TTC9B: variants seen among roughly 807,000 people sequenced by gnomAD.
The protein encoded by TTC9B is tetratricopeptide repeat domain 9B.
TTC9B carries 12 observed loss-of-function variants against 19.4 expected under a neutral mutation model. That is an observed-to-expected ratio of 0.62 (90% CI 0.40 to 1.00). TTC9B has a LOEUF of 1.00. TTC9B is among the 50% of genes least tolerant of loss of function. The probability of loss-of-function intolerance (pLI) is 0.00; values close to 1 mark genes in which losing one functional copy is unlikely to be tolerated. For missense variants in TTC9B, 316 were observed against 345.2 expected (o/e 0.92, Z 0.67); for synonymous variants, 156 against 158.6 (o/e 0.98, Z 0.12).
rs2145108756 is a variant in TTC9B, at chr19:40,217,979, C to T, written c.403G>A (p.Val135Met). Reference protein sequence around the residue: ...EQRRLVESTEVECYDSLTACL... With the variant: ...EQRRLVESTEMECYDSLTACL... Reference sequence around the variant, plus strand: ...CCCGTGAGGGAGTCGTAACACTCCACCTCCGTGCTCTCCACCAGGCGCCGC... The same window carrying T: ...CCCGTGAGGGAGTCGTAACACTCCATCTCCGTGCTCTCCACCAGGCGCCGC... Residue 135 changes from valine (V) to methionine (M), a missense_variant, in exon 1 of 3, where the codon GTG (valine) becomes ATG (methionine). Val to Met is a conservative substitution (Grantham distance 21). Transcript: ENST00000311308. 6.7e-7 allele frequency: 1 copy of T among 1,494,358 alleles called. No individual in the cohort carries two copies. Among genetic ancestry groups the T allele is most frequent in the Non-Finnish European group, 8.9e-7 (1 of 1,128,990 alleles). 92.6% of individuals were successfully genotyped at this position (1,494,358 alleles called of 1,614,324 possible). A position where few individuals can be genotyped will look rare whatever the true frequency, so the allele number is the denominator to read the frequency against.
Position 40,218,008 on chromosome 19 carries a change from T to G in TTC9B, c.374A>C (p.Glu125Ala), listed in dbSNP as rs764942661. The change falls in exon 1 of 3, where the codon GAG becomes GCG. Residue 125 changes from glutamate to alanine, a missense_variant. Transcript: ENST00000311308. The surrounding 1 kb of genome is among the most constrained non-coding windows in gnomAD (Gnocchi z 4.2). ...CGTGCTCTCCACCAGGCGCCGCTGC[T>G]CCTCGCTGAGGCGCGCCGGCCCGGG... is the stretch of plus-strand genomic sequence containing the variant. The part of the protein sequence containing the change: ...SSPGPARLSE[E>A]QRRLVESTEV... 2 of 1,483,190 alleles carry G rather than the reference T, an allele frequency of 1.3e-6. No homozygotes were observed. The highest frequency in any genetic ancestry group is 2.5e-5 in the South Asian group (2 of 79,182). The allele number at this position is 1,483,190 out of a possible 1,614,324, so 91.9% of individuals were successfully genotyped here.
intron 2 of TTC9B, 65 bp from the exon 3 acceptor site, chr19:40,216,337 C>T: frequency 2.4e-6 from 3 of 1,227,084 alleles, no homozygotes; most frequent in Admixed American, 1.7e-5. Context: ...TCCACACCTC[C>T]CTGGCTCACA....
At chr19:40,217,695 G>T in intron 1 of TTC9B, 1 of 514,724 alleles carries the variant, frequency 1.9e-6, no homozygotes, top group Non-Finnish European at 3.4e-6. Context: ...GTGCGGCCAG[G>T]GGGTGGAAAG....
chr19:40,218,003 G>T lies in TTC9B; in HGVS notation c.379C>A (p.Arg127=). 2.1e-6 allele frequency: 3 copies of T among 1,410,834 alleles called. No individual in the cohort carries two copies. Among genetic ancestry groups the T allele is most frequent in the Non-Finnish European group, 2.8e-6 (3 of 1,079,266 alleles). The allele number at this position is 1,410,834 out of a possible 1,614,324, so 87.4% of individuals were successfully genotyped here. ...ACCTCCGTGCTCTCCACCAGGCGCC[G>T]CTGCTCCTCGCTGAGGCGCGCCGGC... ...PGPARLSEEQ[R]RLVESTEVEC... is the part of the protein sequence containing the mutation. The change falls in exon 1 of 3, where the codon CGG becomes AGG. Residue 127 remains arginine (R), a synonymous_variant. Transcript: ENST00000311308. The surrounding 1 kb of genome is among the most constrained non-coding windows in gnomAD (Gnocchi z 4.2).
chr19:40,217,506 C>T (rs947764302), intron 1 of TTC9B, 137 bp from the exon 2 acceptor site: 2 of 1,143,914 alleles, frequency 1.7e-6, no homozygotes, highest in East Asian at 5.2e-5. Flanking sequence ...CGCCAATCCG[C>T]TCGCCTATCG....
chr19:40,216,352 A>G, intron 2 of TTC9B, 80 bp from the exon 3 acceptor site: 1 of 1,063,216 alleles, frequency 9.4e-7, no homozygotes, highest in Admixed American at 1.8e-5. Flanking sequence ...CTCACACCCC[A>G]TTCTCCGAAG....
rs530343060 is a variant in TTC9B, at chr19:40,217,132, G to C, written c.610+55C>G. The C allele has an allele frequency of 1.1e-5, 17 of 1,550,050 alleles. No homozygotes were observed. In the African/African-American group the frequency reaches 1.3e-4, roughly 12 times the overall value. On this transcript the variant is annotated intron_variant, in intron 2 of 2. Transcript: ENST00000311308. ...CTTCCTGCCTGTTCCCTCCGCTGCA[G>C]CCCCTTTCCCCGCCCTGGGCCCAGC...
In TTC9B at chr19:40,218,280, G is replaced by T. The variant is rs1436488207; in HGVS notation, c.102C>A (p.Gly34=). ...PALSPPGSGP[G]SGSRHGSARP... is the part of the protein sequence containing the mutation. ...GAGCCGAGCCATGGCGGGAGCCCGA[G>T]CCTGGGCCCGAGCCCGGTGGGGAGA... is the stretch of plus-strand genomic sequence containing the variant. Residue 34 remains glycine (G), a synonymous_variant, in exon 1 of 3, where the codon GGC becomes GGA. Coordinates refer to ENST00000311308, the MANE Select transcript of TTC9B (RefSeq NM_152479.6). The surrounding 1 kb of genome is among the most constrained non-coding windows in gnomAD (Gnocchi z 4.2). The T allele has an allele frequency of 2.1e-5, 31 of 1,445,236 alleles. No homozygotes were observed. The highest frequency in any genetic ancestry group is 1.4e-4 in the Admixed American group (5 of 35,476). The allele number at this position is 1,445,236 out of a possible 1,614,324, so 89.5% of individuals were successfully genotyped here. A position where few individuals can be genotyped will look rare whatever the true frequency, so the allele number is the denominator to read the frequency against.
chr19:40,217,697 G>C, intron 1 of TTC9B: 1 of 515,334 alleles, frequency 1.9e-6, no homozygotes, highest in Non-Finnish European at 3.4e-6. Flanking sequence ...GCGGCCAGGG[G>C]GTGGAAAGAA....
At position 40,217,386 on chromosome 19, in the gene TTC9B, G is replaced by C. The variant is rs1973383371; in HGVS notation, c.428-17C>G. 6.2e-7 allele frequency: 1 copy of C among 1,606,844 alleles called. No individual in the cohort carries two copies. The highest frequency in any genetic ancestry group is 1.3e-5 in the African/African-American group (1 of 74,806). On this transcript the variant is annotated splice_polypyrimidine_tract_variant and intron_variant, in intron 1 of 2. Coordinates refer to ENST00000311308, the MANE Select transcript of TTC9B (RefSeq NM_152479.6). Reference sequence around the variant, plus strand: ...GCAGGCAAGCTGCGAGGGCCCCGCGGCCGGCACTCTCAGAGCCTGCTGGCA... The same window carrying C: ...GCAGGCAAGCTGCGAGGGCCCCGCGCCCGGCACTCTCAGAGCCTGCTGGCA...
rs1268983930 is a variant in TTC9B, at chr19:40,218,191, G to A, written c.191C>T (p.Ala64Val). The change falls in exon 1 of 3, where the codon GCC becomes GTC. Residue 64 changes from alanine to valine, a missense_variant. Coordinates refer to ENST00000311308, the MANE Select transcript of TTC9B (RefSeq NM_152479.6). This position sits in a 1 kb window ranked among gnomAD's most constrained non-coding sequence, Gnocchi z 4.2. ...GCCCTCTGCCTTGAACGCCACGGCG[G>A]CACGCAGGCTGCTGTCGAGCGCCGC... ...LGAALDSSLR[A>V]AVAFKAEGQR... 5 of 1,574,844 alleles carry A rather than the reference G, an allele frequency of 3.2e-6. No homozygotes were observed. Among genetic ancestry groups the A allele is most frequent in the Non-Finnish European group, 3.4e-6 (4 of 1,164,714 alleles).
chr19:40,217,697 G>A (rs1209659192), intron 1 of TTC9B: 2 of 515,216 alleles, frequency 3.9e-6, no homozygotes, highest in East Asian at 3.3e-5. Flanking sequence ...GCGGCCAGGG[G>A]GTGGAAAGAA....
rs754065084 is a variant in TTC9B at position 40,218,281 on chromosome 19, C to T, written c.101G>A (p.Gly34Asp). The T allele has an allele frequency of 3.1e-5, 45 of 1,445,008 alleles. No homozygotes were observed. The highest frequency in any genetic ancestry group is 2.4e-4 in the Middle Eastern group (1 of 4,124). The allele number at this position is 1,445,008 out of a possible 1,614,324, so 89.5% of individuals were successfully genotyped here. Residue 34 changes from glycine to aspartate, a missense_variant, in exon 1 of 3, where the codon GGC becomes GAC. Coordinates refer to ENST00000311308, the MANE Select transcript of TTC9B (RefSeq NM_152479.6). The surrounding 1 kb of genome is among the most constrained non-coding windows in gnomAD (Gnocchi z 4.2). ...AGCCGAGCCATGGCGGGAGCCCGAG[C>T]CTGGGCCCGAGCCCGGTGGGGAGAG... Reference protein sequence around the residue: ...PALSPPGSGPGSGSRHGSARP... With the variant: ...PALSPPGSGPDSGSRHGSARP...
intron 2 of TTC9B, chr19:40,216,827 G>A (rs1238411886): frequency 4.7e-6 from 2 of 423,528 alleles, no homozygotes; most frequent in Non-Finnish European, 4.4e-6. Flanking sequence ...GGAGGAATGA[G>A]TGTGTGCGGT....
rs1314859461 is a variant in TTC9B at position 40,216,209 on chromosome 19, C to T, written c.674G>A (p.Arg225Gln). 3 of 1,614,096 alleles carry T rather than the reference C, an allele frequency of 1.9e-6. No individual in the cohort carries two copies. Among genetic ancestry groups the T allele is most frequent in the African/African-American group, 2.7e-5 (2 of 74,946 alleles). Reference protein sequence around the residue: ...QLKMNRCSLQREDSGAGSQTR... With the variant: ...QLKMNRCSLQQEDSGAGSQTR... ...CTGGGACCCAGCCCCACTGTCTTCCCGCTGGAGGCTGCAACGATTCATCTT... is the reference window on the plus strand; with the variant it reads ...CTGGGACCCAGCCCCACTGTCTTCCTGCTGGAGGCTGCAACGATTCATCTT... The change falls in exon 3 of 3, where the codon CGG becomes CAG. Residue 225 changes from arginine (R) to glutamine (Q), a missense_variant. Arg to Gln is a conservative substitution (Grantham distance 43). Coordinates refer to ENST00000311308, the MANE Select transcript of TTC9B (RefSeq NM_152479.6).
chr19:40,217,706 A>C (rs1050337590), intron 1 of TTC9B: 1 of 515,710 alleles, frequency 1.9e-6, no homozygotes, highest in African/African-American at 2.0e-5. Context: ...GGGTGGAAAG[A>C]ATGACTCAGG....
chr19:40,217,495 G>A (rs913240518), intron 1 of TTC9B, 126 bp from the exon 2 acceptor site: 1 of 1,205,396 alleles, frequency 8.3e-7, no homozygotes, highest in African/African-American at 1.5e-5. Flanking sequence ...GCAACCAGGG[G>A]CGCCAATCCG....
intron 1 of TTC9B, 45 bp from the exon 2 acceptor site, chr19:40,217,414 C>G (rs770238398): frequency 2.5e-6 from 4 of 1,587,844 alleles, no homozygotes; most frequent in Non-Finnish European, 1.7e-6. Flanking sequence ...TGCTGGCACC[C>G]CCAGAACCCA....
chr19:40,216,287 G>T lies in TTC9B; in HGVS notation c.611-15C>A. The T allele has an allele frequency of 1.2e-6, 2 of 1,608,702 alleles. No homozygotes were observed. The highest frequency in any genetic ancestry group is 2.2e-5 in the South Asian group (2 of 90,948). Reference sequence around the variant, plus strand: ...CACATTGGTGTCTGCAGGGGAGGTGGGCAGGGCATCATCTGGGTGTCCCGG... The same window carrying T: ...CACATTGGTGTCTGCAGGGGAGGTGTGCAGGGCATCATCTGGGTGTCCCGG... On this transcript the variant is annotated splice_polypyrimidine_tract_variant and intron_variant, in intron 2 of 2. Coordinates refer to ENST00000311308, the MANE Select transcript of TTC9B (RefSeq NM_152479.6).
Sources: allele counts gnomAD v4.1 joint callset, GRCh38; gene constraint gnomAD v4.1.1; non-coding constraint Gnocchi (gnomAD v3.1); transcripts MANE v1.5; gene names NCBI Gene and HGNC (gene_info 2026-07-23, HGNC 2026-07-21).